FANCA: variants seen among roughly 807,000 people sequenced by gnomAD.
The protein encoded by FANCA is FA complementation group A.
FANCA carries 236 observed loss-of-function variants against 194.3 expected under a neutral mutation model. The ratio of observed to expected loss-of-function variants is 1.21; its 90% confidence interval spans 1.09 to 1.35. FANCA has a LOEUF of 1.35. Among genes scored for constraint, FANCA ranks in the 40% most tolerant of loss-of-function variants. The pLI, the probability that FANCA is intolerant of heterozygous loss-of-function variation, is 0.00. For missense variants in FANCA, 2,628 were observed against 1,813.9 expected, an observed-to-expected ratio of 1.45 and a Z score of -8.15; for synonymous variants, 1,014 against 715.8, an observed-to-expected ratio of 1.42 and a Z score of -6.65.
intron 20 of FANCA, among the ~76,000 whole-genome samples, chr16:89,778,161 CAAAA>C (rs35361961): frequency 2.1e-5 from 1 of 48,002 alleles, no homozygotes; most frequent in Non-Finnish European, 3.9e-5. Flanking sequence ...GACTTCATCT[CAAAA>C]AAAAAAAAAA....
intron 37 of FANCA, among the ~76,000 whole-genome samples, chr16:89,741,992 G>T (rs562219364): frequency 6.6e-6 from 1 of 151,116 alleles, no homozygotes; most frequent in Non-Finnish European, 1.5e-5. Flanking sequence ...TTTGAGACAA[G>T]TCTCGCTCTG....
intron 39 of FANCA, chr16:89,739,765 CAG>C (rs1428932772): frequency 7.4e-6 from 11 of 1,476,548 alleles, no homozygotes; most frequent in East Asian, 2.5e-5. Flanking sequence ...GGGTGTGGTG[CAG>C]AGAGAGGCAG....
At position 89,810,930 on chromosome 16, in the gene FANCA, C is replaced by T; in HGVS notation, c.425G>A (p.Arg142Lys). 6.2e-7 allele frequency: 1 copy of T among 1,614,180 alleles called. No homozygotes were observed. Among genetic ancestry groups the T allele is most frequent in the Non-Finnish European group, 8.5e-7 (1 of 1,180,052 alleles). ...TCCTCATCTTTGCTGGTGTCTTACT[C>T]TCTGCTCCACAGTCAGCAGCACAGG... ...SHPVLLTVEQ[R>K]KKLSSLLEFA... Residue 142 changes from arginine to lysine, a missense_variant and splice_region_variant, in exon 4 of 43, where the codon AGA becomes AAA. By Grantham distance (26) the Arg-to-Lys change is conservative (BLOSUM62 2). Transcript: ENST00000389301.
intron 10 of FANCA, chr16:89,798,583 A>G (rs1417684676): frequency 4.4e-6 from 5 of 1,145,120 alleles, no homozygotes; most frequent in Non-Finnish European, 5.4e-6. Context: ...CCAGAGCCCC[A>G]TTTCCACCAA....
intron 17 of FANCA, among the ~76,000 whole-genome samples, chr16:89,781,948 A>C (rs899264058): frequency 3.3e-5 from 5 of 150,966 alleles, no homozygotes; most frequent in Non-Finnish European, 5.9e-5. Flanking sequence ...CAGAGCTTGC[A>C]GTGAGCCGAG....
intron 18 of FANCA, among the ~76,000 whole-genome samples, chr16:89,779,450 G>A (rs1218992377): frequency 2.6e-5 from 4 of 151,932 alleles, no homozygotes; most frequent in Admixed American, 6.6e-5. Context: ...TCACAAAGAA[G>A]GCATTGATAA....
chr16:89,773,303 C>T lies in FANCA; in HGVS notation c.1982G>A (p.Arg661Lys). 1 of 1,551,464 alleles carries T rather than the reference C, an allele frequency of 6.4e-7. No individual in the cohort carries two copies. Reference sequence around the variant, plus strand: ...CTGGCTGGGGTCTGTCATGGAGGCTCTCAGCTCTCCCAGTGCAGCTGTGAG... The same window carrying T: ...CTGGCTGGGGTCTGTCATGGAGGCTTTCAGCTCTCCCAGTGCAGCTGTGAG... ...GQLTAALGEL[R>K]ASMTDPSQRD... The change falls in exon 22 of 43, where the codon AGA (arginine) becomes AAA (lysine). Residue 661 changes from arginine to lysine, a missense_variant. By Grantham distance (26) the Arg-to-Lys change is conservative. Coordinates refer to ENST00000389301, the MANE Select transcript of FANCA (RefSeq NM_000135.4).
rs1383806921 is a variant in FANCA at position 89,739,469 on chromosome 16, T to C, written c.4010+9A>G. On this transcript the variant is annotated intron_variant, in intron 40 of 42. Transcript: ENST00000389301. ...GCCCAGCCCTGACCAGCCCTGTGGG[T>C]GGAGGTACCTGTAAAAAGCGAAAGG... The C allele has an allele frequency of 1.3e-6, 2 of 1,551,190 alleles. No individual in the cohort carries two copies. Among genetic ancestry groups the C allele is most frequent in the Admixed American group, 3.9e-5 (2 of 51,034 alleles).
chr16:89,776,854 A>C (rs2039524019), intron 20 of FANCA, among the ~76,000 whole-genome samples: 1 of 152,156 alleles, frequency 6.6e-6, no homozygotes, highest in African/African-American at 2.4e-5. Flanking sequence ...AAGAAAAAAA[A>C]ATAAAACGCA....
intron 20 of FANCA, among the ~76,000 whole-genome samples, chr16:89,777,889 C>T (rs927227106): frequency 2.7e-5 from 4 of 148,878 alleles, no homozygotes; most frequent in East Asian, 2.1e-4. Context: ...CAGCCGGGTG[C>T]GGTAGCTCAC....
intron 31 of FANCA, 60 bp from the exon 32 acceptor site, chr16:89,749,962 G>C (rs1037481527): frequency 2.4e-5 from 39 of 1,592,708 alleles, no homozygotes; most frequent in Non-Finnish European, 3.4e-5. Context: ...CAGCCAGTCG[G>C]GGACCCAGAC....
chr16:89,808,463 T>C (rs968009969), intron 5 of FANCA, 96 bp from the exon 6 acceptor site: 2 of 1,293,122 alleles, frequency 1.5e-6, no homozygotes, highest in South Asian at 1.2e-5. Context: ...ATGTTCAACT[T>C]AGGTTCTTAA....
intron 30 of FANCA, among the ~76,000 whole-genome samples, chr16:89,757,361 G>A (rs1453094658): frequency 6.6e-6 from 1 of 152,128 alleles, no homozygotes; most frequent in Non-Finnish European, 1.5e-5. Flanking sequence ...AGTCACCCAC[G>A]ATGGAGGTGC....
In FANCA at chr16:89,738,410, G is replaced by A; in HGVS notation, c.*191C>T. ...CTCAAGTAGCCTTCCTCTGCTCTGG[G>A]ACCAGTGGTTTATTTTCCCGCAAAC... On this transcript the variant is annotated 3_prime_UTR_variant, in exon 43 of 43. Transcript: ENST00000389301. 15 of 1,374,252 alleles carry A rather than the reference G, an allele frequency of 1.1e-5. No individual in the cohort carries two copies. Among genetic ancestry groups the A allele is most frequent in the South Asian group, 2.7e-5 (2 of 74,092 alleles). The allele number at this position is 1,374,252 out of a possible 1,614,324, so 85.1% of individuals were successfully genotyped here.
chr16:89,778,525 G>T (rs1341166680), intron 20 of FANCA: 2 of 426,916 alleles, frequency 4.7e-6, no homozygotes, highest in Non-Finnish European at 8.4e-6. Context: ...CTACTCAGGA[G>T]GCTGAAGCAA....
At chr16:89,741,118 A>G (rs1296357098) in intron 37 of FANCA, among the ~76,000 whole-genome samples, 1 of 152,244 alleles carries the variant, frequency 6.6e-6, no homozygotes, top group Non-Finnish European at 1.5e-5. Context: ...CAAGAGCCAG[A>G]AAGAGAAGAC....
intron 17 of FANCA, among the ~76,000 whole-genome samples, chr16:89,781,093 A>G (rs2039683414): frequency 6.6e-6 from 1 of 152,188 alleles, no homozygotes; most frequent in Non-Finnish European, 1.5e-5. Flanking sequence ...GGCCAGGCGC[A>G]GTGGCTCACG....
At chr16:89,789,485 G>A (rs933548038) in intron 14 of FANCA, among the ~76,000 whole-genome samples, 1 of 140,108 alleles carries the variant, frequency 7.1e-6, no homozygotes, top group Middle Eastern at 4.4e-3. Context: ...CTGTCTCCCA[G>A]GCTGGAGCGT....
At chr16:89,790,073 G>C (rs17746039) in intron 14 of FANCA, among the ~76,000 whole-genome samples, 18,515 of 152,260 alleles carry the variant, frequency 0.12, 1,466 homozygotes, top group Middle Eastern at 0.29. Flanking sequence ...TACGGCTGAA[G>C]AAATGAAGTA....
Sources: allele counts gnomAD v4.1 joint callset (sites outside exome capture counted in the v4.1 genomes callset), GRCh38; gene constraint gnomAD v4.1.1; transcripts MANE v1.5; gene names NCBI Gene and HGNC (gene_info 2026-07-23, HGNC 2026-07-21).